LRBA: variants seen among roughly 807,000 people sequenced by gnomAD.
LRBA encodes LPS responsive beige-like anchor protein.
LRBA carries 176 observed loss-of-function variants against 330.0 expected under a neutral mutation model. The observed-to-expected ratio is 0.53, with a 90% CI of 0.47 to 0.60. The LOEUF (loss-of-function observed/expected upper bound fraction) is 0.60. LRBA is among the 20% of genes least tolerant of loss of function. The probability of loss-of-function intolerance (pLI) is 0.00; values close to 1 mark genes in which losing one functional copy is unlikely to be tolerated. For synonymous variants in LRBA, 1,230 were observed against 1,193.0 expected, an observed-to-expected ratio of 1.03 and a Z score of -0.64; for missense variants, 3,259 against 3,444.8, an observed-to-expected ratio of 0.95 and a Z score of 1.35.
At chr4:150,300,525 T>G (rs1729532206) in intron 53 of LRBA, among the ~76,000 whole-genome samples, 1 of 152,084 alleles carries the variant, frequency 6.6e-6, no homozygotes, top group Non-Finnish European at 1.5e-5. Context: ...ATCCTGTGCT[T>G]CTGATAACAC....
intron 47 of LRBA, among the ~76,000 whole-genome samples, chr4:150,354,747 G>A (rs1737605778): frequency 6.6e-6 from 1 of 151,700 alleles, no homozygotes. Flanking sequence ...AGATCTATTA[G>A]GCAGAGTAAA....
At chr4:150,743,349 T>G (rs1732268867) in intron 35 of LRBA, among the ~76,000 whole-genome samples, 1 of 152,168 alleles carries the variant, frequency 6.6e-6, no homozygotes, top group East Asian at 1.9e-4. Context: ...ATGAATCAAT[T>G]AATTTCACTA....
At position 150,989,591 on chromosome 4, in the gene LRBA, C is replaced by T. The variant is rs373652843; in HGVS notation, c.216+24836G>A. 7.9e-5 allele frequency among the ~76,000 whole-genome samples: 12 copies of T among 151,994 alleles called. No homozygotes were observed. In the East Asian group the frequency reaches 9.7e-4, roughly 12 times the overall value. ...TCACGCCACTGCACTCCAGCCCGGGCGACAGAGCGAGACTCCATCTCAAAA... is the reference window on the plus strand; with the variant it reads ...TCACGCCACTGCACTCCAGCCCGGGTGACAGAGCGAGACTCCATCTCAAAA... On this transcript the variant is annotated intron_variant, in intron 2 of 56. Transcript: ENST00000651943.
chr4:150,671,595 G>C (rs1782071874), intron 37 of LRBA, among the ~76,000 whole-genome samples: 1 of 152,170 alleles, frequency 6.6e-6, no homozygotes, highest in Admixed American at 6.5e-5. Flanking sequence ...ACCCATAAAA[G>C]TACATACAAT....
At chr4:150,372,561 A>C (rs1458544128) in intron 47 of LRBA, among the ~76,000 whole-genome samples, 1 of 5,952 alleles carries the variant, frequency 1.7e-4, no homozygotes, top group African/African-American at 5.2e-4. Context: ...TCCCATCTCC[A>C]AAAAAAAAAA....
chr4:150,832,222 T>A (rs1335588680), intron 28 of LRBA, among the ~76,000 whole-genome samples: 2 of 152,198 alleles, frequency 1.3e-5, no homozygotes, highest in African/African-American at 4.8e-5. Flanking sequence ...AGAAGTTAGC[T>A]CATTTTTTTA....
intron 37 of LRBA, among the ~76,000 whole-genome samples, chr4:150,635,469 T>C (rs543365867): frequency 1.3e-5 from 2 of 152,358 alleles, no homozygotes; most frequent in South Asian, 2.1e-4. Context: ...ATTTTCCCTC[T>C]CTGCCTCTAA....
intron 40 of LRBA, among the ~76,000 whole-genome samples, chr4:150,519,334 C>T (rs11724104): frequency 0.02 from 2,982 of 152,140 alleles, 43 homozygotes; most frequent in Non-Finnish European, 0.029. Flanking sequence ...TATAATATTT[C>T]CATCATCCCA....
At chr4:150,272,115 C>G (rs1031743337) in intron 56 of LRBA, among the ~76,000 whole-genome samples, 2 of 152,176 alleles carry the variant, frequency 1.3e-5, no homozygotes, top group African/African-American at 4.8e-5. Flanking sequence ...TGGAATGAAG[C>G]TTCCAGAGGA....
At chr4:150,857,341 C>T (rs909627673) in intron 22 of LRBA, among the ~76,000 whole-genome samples, 3 of 152,030 alleles carry the variant, frequency 2.0e-5, no homozygotes, top group Non-Finnish European at 4.4e-5. Context: ...TAATTAAGAG[C>T]AATTCTAAAG....
intron 37 of LRBA, among the ~76,000 whole-genome samples, chr4:150,645,730 A>G (rs1425112110): frequency 6.6e-6 from 1 of 151,974 alleles, no homozygotes; most frequent in African/African-American, 2.4e-5. Flanking sequence ...ATGTCCATAG[A>G]TGGACATTAA....
intron 44 of LRBA, among the ~76,000 whole-genome samples, chr4:150,459,781 T>TTCA (rs1261701848): frequency 2.6e-5 from 4 of 151,932 alleles, no homozygotes; most frequent in African/African-American, 9.7e-5. Flanking sequence ...AGCATCCATG[T>TTCA]TTGATGCCAA....
chr4:150,702,028 G>A (rs1785170746), intron 36 of LRBA, among the ~76,000 whole-genome samples: 1 of 152,076 alleles, frequency 6.6e-6, no homozygotes, highest in Non-Finnish European at 1.5e-5. Context: ...AACTATAGGG[G>A]AAAAAGTTAG....
In LRBA at chr4:150,712,140, A is replaced by C. The variant is rs1479353032; in HGVS notation, c.5754+23118T>G. Reference sequence around the variant, plus strand: ...GTTGAAATCACTGAGCAATTTATTAATCAGTCTTTGTCTTTTCTTCATCTG... The same window carrying C: ...GTTGAAATCACTGAGCAATTTATTACTCAGTCTTTGTCTTTTCTTCATCTG... On this transcript the variant is annotated intron_variant, in intron 36 of 56. Transcript: ENST00000651943. Among the ~76,000 whole-genome samples, 3 of 152,228 alleles carry C rather than the reference A, an allele frequency of 2.0e-5. No individual in the cohort carries two copies. In the East Asian group the frequency reaches 5.8e-4, roughly 29 times the overall value.
At chr4:150,978,806 A>C (rs1254791300) in intron 2 of LRBA, among the ~76,000 whole-genome samples, 1 of 152,216 alleles carries the variant, frequency 6.6e-6, no homozygotes, top group Non-Finnish European at 1.5e-5. Context: ...AGTAAGCTTG[A>C]AGACAGCCTA....
intron 54 of LRBA, among the ~76,000 whole-genome samples, chr4:150,283,026 G>A (rs573285502): frequency 1.3e-5 from 2 of 152,306 alleles, no homozygotes; most frequent in South Asian, 4.1e-4. Flanking sequence ...GCTGCGGGCA[G>A]GTACACTAAG....
At chr4:150,885,363 G>A (rs957446935) in intron 17 of LRBA, among the ~76,000 whole-genome samples, 1 of 152,172 alleles carries the variant, frequency 6.6e-6, no homozygotes, top group African/African-American at 2.4e-5. Flanking sequence ...AGTGGCTCAT[G>A]CCTGTAATCC....
At chr4:150,441,262 G>T (rs1183002792) in intron 44 of LRBA, among the ~76,000 whole-genome samples, 2 of 152,070 alleles carry the variant, frequency 1.3e-5, no homozygotes, top group Non-Finnish European at 2.9e-5. Flanking sequence ...AGCAGGATAA[G>T]AACATATAGT....
chr4:150,681,381 C>T (rs1394838443), intron 37 of LRBA, among the ~76,000 whole-genome samples: 1 of 152,162 alleles, frequency 6.6e-6, no homozygotes, highest in Non-Finnish European at 1.5e-5. Context: ...TTGTCAGCTA[C>T]ATTTTCTTAC....
Sources: allele counts gnomAD v4.1 joint callset (sites outside exome capture counted in the v4.1 genomes callset), GRCh38; gene constraint gnomAD v4.1.1; transcripts MANE v1.5; gene names NCBI Gene and HGNC (gene_info 2026-07-23, HGNC 2026-07-21).